The following MKLN1 variants were observed in gnomAD, a reference collection of about 807,000 sequenced individuals.
MKLN1 encodes the protein muskelin 1.
A neutral mutation model predicts 99.0 loss-of-function variants in MKLN1; 18 were observed. The observed-to-expected ratio is 0.18, with a 90% CI of 0.13 to 0.27. MKLN1 has a LOEUF of 0.27. MKLN1 is among the 10% of genes least tolerant of loss of function. MKLN1 has a pLI of 1.00. For missense variants in MKLN1, 621 were observed against 875.9 expected (o/e 0.71, Z 3.67); for synonymous variants, 288 against 293.2 (o/e 0.98, Z 0.18).
rs967568943 is a variant in MKLN1 at position 131,333,915 on chromosome 7, C to T, written c.98+5918C>T. ...AGGTATCAGTTTATTTTCCTTCTAT[C>T]TGTGTAGACTACTCTGAGTTCATTT... On this transcript the variant is annotated intron_variant, in intron 1 of 17. Transcript: ENST00000352689. Among the ~76,000 whole-genome samples, 11 of 152,134 alleles carry T rather than the reference C, an allele frequency of 7.2e-5. No individual in the cohort carries two copies. The South Asian group carries it at 2.3e-3, about 32-fold the overall frequency.
chr7:131,283,027 G>A (rs1251243783), intron 3 of MKLN1, among the ~76,000 whole-genome samples: 2 of 152,186 alleles, frequency 1.3e-5, no homozygotes, highest in African/African-American at 4.8e-5. Flanking sequence ...GAGGGGAATT[G>A]GGCCTGTGCA....
At chr7:131,166,042 G>A (rs1282844152) in intron 2 of MKLN1, among the ~76,000 whole-genome samples, 5 of 152,158 alleles carry the variant, frequency 3.3e-5, no homozygotes, top group Non-Finnish European at 5.9e-5. Flanking sequence ...TTGAACCTGG[G>A]AGGTCGAGGC....
rs190489753 is a variant in MKLN1, at chr7:131,171,475, G to A, written c.-297+28534G>A. On this transcript the variant is annotated intron_variant, in intron 2 of 7. Coordinates refer to the MKLN1 transcript ENST00000416992. The stretch of plus-strand genomic sequence containing the variant: ...AAATATTTTTCTTTCTTTTTTTTTT[G>A]GGATCGTGTTTCGCTTTTGTAGCCA... Among the ~76,000 whole-genome samples the A allele has an allele frequency of 1.2e-4, 18 of 148,484 alleles. No homozygotes were observed. The East Asian group carries it at 3.3e-3, about 27-fold the overall frequency.
chr7:131,337,259 C>A (rs1286499023), intron 1 of MKLN1, among the ~76,000 whole-genome samples: 2 of 152,072 alleles, frequency 1.3e-5, no homozygotes, highest in African/African-American at 4.8e-5. Context: ...TATGACTGAT[C>A]AGCTGTGAAA....
intron 14 of MKLN1, among the ~76,000 whole-genome samples, chr7:131,465,695 C>T (rs929638287): frequency 7.9e-5 from 12 of 152,068 alleles, no homozygotes; most frequent in African/African-American, 9.7e-5. Context: ...CCCGCCACCA[C>T]GCCCGGCTAA....
chr7:131,226,379 A>T (rs1396198790), intron 3 of MKLN1, among the ~76,000 whole-genome samples: 1 of 152,174 alleles, frequency 6.6e-6, no homozygotes, highest in Non-Finnish European at 1.5e-5. Context: ...CTCCTCCCTA[A>T]CCAAGGAACT....
At chr7:131,197,952 G>A (rs763850091) in intron 2 of MKLN1, among the ~76,000 whole-genome samples, 15 of 151,880 alleles carry the variant, frequency 9.9e-5, no homozygotes, top group East Asian at 1.9e-4. Context: ...CTCCCACCTC[G>A]GCCTCCTGAG....
At chr7:131,486,931 G>A (rs1424158574) in intron 17 of MKLN1, among the ~76,000 whole-genome samples, 1 of 152,052 alleles carries the variant, frequency 6.6e-6, no homozygotes, top group Non-Finnish European at 1.5e-5. Flanking sequence ...CAGGATAAAA[G>A]TAGTTCATTG....
At chr7:131,206,968 C>T (rs553203539) in intron 3 of MKLN1, among the ~76,000 whole-genome samples, 5 of 152,164 alleles carry the variant, frequency 3.3e-5, no homozygotes, top group South Asian at 4.2e-4. Context: ...GGTCTATGGA[C>T]GTCTGAGTGG....
At chr7:131,439,919 G>GTC (rs777684634) in intron 10 of MKLN1, among the ~76,000 whole-genome samples, 1 of 127,614 alleles carries the variant, frequency 7.8e-6, no homozygotes, top group Non-Finnish European at 1.7e-5. Flanking sequence ...CACACACACA[G>GTC]TCTCTCTCTC....
chr7:131,387,381 T>C, intron 3 of MKLN1, 119 bp downstream of exon 3: 1 of 883,860 alleles, frequency 1.1e-6, no homozygotes, highest in Non-Finnish European at 1.6e-6. Context: ...ATTCCTTCTA[T>C]TCTATCCCTA....
intron 3 of MKLN1, among the ~76,000 whole-genome samples, chr7:131,234,626 GA>G (rs1263879117): frequency 3.3e-5 from 5 of 152,296 alleles, no homozygotes; most frequent in African/African-American, 1.2e-4. Flanking sequence ...GTGTGATACT[GA>G]GTTTTGCTTT....
At chr7:131,407,527 T>A (rs1334745379) in intron 6 of MKLN1, among the ~76,000 whole-genome samples, 1 of 151,956 alleles carries the variant, frequency 6.6e-6, no homozygotes. Flanking sequence ...TTTAGAAGCT[T>A]CTTGTGAGTT....
intron 3 of MKLN1, among the ~76,000 whole-genome samples, chr7:131,227,391 TTC>T (rs1184057721): frequency 6.6e-6 from 1 of 151,728 alleles, no homozygotes; most frequent in African/African-American, 2.4e-5. Context: ...TTTTTTTTCT[TTC>T]TTTCTCTCTT....
intron 1 of MKLN1, among the ~76,000 whole-genome samples, chr7:131,374,455 G>T (rs139120682): frequency 6.6e-6 from 1 of 152,066 alleles, no homozygotes; most frequent in Non-Finnish European, 1.5e-5. Context: ...GTATCACAGG[G>T]TTCCTTCTGC....
At chr7:131,384,212 G>GTCCC (rs1314057194) in intron 2 of MKLN1, among the ~76,000 whole-genome samples, 1 of 143,698 alleles carries the variant, frequency 7.0e-6, no homozygotes, top group Non-Finnish European at 1.5e-5. Context: ...AGATTGAATG[G>GTCCC]TCCCTCCCCC....
chr7:131,262,870 T>C (rs1441038153), intron 3 of MKLN1, among the ~76,000 whole-genome samples: 1 of 152,184 alleles, frequency 6.6e-6, no homozygotes, highest in Admixed American at 6.5e-5. Flanking sequence ...CTTAAGGCTC[T>C]TTATTTAGAA....
At chr7:131,166,080 A>C (rs1796119039) in intron 2 of MKLN1, among the ~76,000 whole-genome samples, 1 of 148,462 alleles carries the variant, frequency 6.7e-6, no homozygotes, top group Non-Finnish European at 1.5e-5. Flanking sequence ...ATGCCCATGC[A>C]CTCCAGCCTG....
At chr7:131,240,981 C>G (rs1389563968) in intron 3 of MKLN1, among the ~76,000 whole-genome samples, 3 of 152,214 alleles carry the variant, frequency 2.0e-5, no homozygotes, top group Non-Finnish European at 4.4e-5. Flanking sequence ...AGATTTAGAA[C>G]TAGGCAGAGC....
Sources: gnomAD v4.1 joint callset for allele counts (sites outside exome capture counted in the v4.1 genomes callset) on GRCh38, gnomAD v4.1.1 for gene constraint, MANE v1.5 for transcripts, NCBI Gene and HGNC (gene_info 2026-07-23, HGNC 2026-07-21) for gene names.